The following SP2 variants were observed in gnomAD, a reference collection of about 807,000 sequenced individuals.
The protein encoded by SP2 is transcription factor Sp2.
Under a neutral mutation model 50.1 loss-of-function variants are expected in SP2, and 9 were observed. That is an observed-to-expected ratio of 0.18 (90% CI 0.11 to 0.31). SP2 has a LOEUF of 0.31. Ranked by LOEUF, SP2 falls within the 10% of genes least tolerant of loss-of-function variation. The pLI, the probability that SP2 is intolerant of heterozygous loss-of-function variation, is 1.00. For missense variants in SP2, 581 were observed against 806.5 expected (o/e 0.72, Z 3.39); for synonymous variants, 313 against 326.6 (o/e 0.96, Z 0.45).
intron 1 of SP2, among the ~76,000 whole-genome samples, chr17:47,901,049 G>A (rs1277466229): frequency 2.0e-5 from 3 of 152,184 alleles, no homozygotes; most frequent in Middle Eastern, 3.4e-3. Flanking sequence ...GGGATGTGAC[G>A]CAGTCAGGAT....
At chr17:47,919,343 G>A (rs1215029347) in intron 3 of SP2, among the ~76,000 whole-genome samples, 3 of 152,136 alleles carry the variant, frequency 2.0e-5, no homozygotes, top group Non-Finnish European at 4.4e-5. Context: ...CCATGAGTTC[G>A]AGATTGCAGT....
intron 1 of SP2, chr17:47,909,649 A>T: frequency 1.1e-6 from 1 of 942,508 alleles, no homozygotes; most frequent in Non-Finnish European, 1.3e-6. Context: ...GGATGACATT[A>T]CCTTTGTTTT....
chr17:47,905,285 G>A (rs941370666), intron 1 of SP2, among the ~76,000 whole-genome samples: 4 of 152,190 alleles, frequency 2.6e-5, no homozygotes, highest in Non-Finnish European at 4.4e-5. Flanking sequence ...TAGGCAACTG[G>A]AAAAGCCTGG....
In SP2 at chr17:47,922,185, C is replaced by A. The variant is rs192829544; in HGVS notation, c.1060-777C>A. On this transcript the variant is annotated intron_variant, in intron 3 of 6. Coordinates refer to ENST00000376741, the MANE Select transcript of SP2 (RefSeq NM_003110.6). ...AGTCCTCGGTATGCAGCCAGTCTCC[C>A]ACAGCCATTAGCTCTCCCATAGAGA... Among the ~76,000 whole-genome samples the A allele has an allele frequency of 3.2e-4, 48 of 152,238 alleles. No homozygotes were observed. The South Asian group carries it at 1.0e-2, about 32-fold the overall frequency.
chr17:47,925,998 C>T (rs2035634880), intron 6 of SP2, among the ~76,000 whole-genome samples: 1 of 147,904 alleles, frequency 6.8e-6, no homozygotes, highest in South Asian at 2.1e-4. Flanking sequence ...CTCACTGCAG[C>T]CTCCACCCCT....
At chr17:47,927,004 C>T (rs2035676229) in intron 6 of SP2, among the ~76,000 whole-genome samples, 1 of 152,170 alleles carries the variant, frequency 6.6e-6, no homozygotes, top group African/African-American at 2.4e-5. Flanking sequence ...TTGGGGTCAA[C>T]ATGGTTCCAA....
At chr17:47,906,962 G>A (rs941719084) in intron 1 of SP2, among the ~76,000 whole-genome samples, 12 of 152,158 alleles carry the variant, frequency 7.9e-5, no homozygotes, top group East Asian at 3.9e-4. Flanking sequence ...GGGAACATCA[G>A]TATTTAAGGG....
intron 1 of SP2, among the ~76,000 whole-genome samples, chr17:47,901,297 G>A (rs2034531953): frequency 6.6e-6 from 1 of 151,956 alleles, no homozygotes; most frequent in Non-Finnish European, 1.5e-5. Context: ...ACAGGCACGT[G>A]CCACCACACC....
chr17:47,903,035 C>T lies in SP2; in HGVS notation c.7+6742C>T, dbSNP rs193172303. Among the ~76,000 whole-genome samples the T allele has an allele frequency of 2.7e-4, 41 of 152,224 alleles. 1 individual carries two copies. The highest frequency in any genetic ancestry group is 7.9e-4 in the African/African-American group (33 of 41,546). ...CCGCCCAAAGTGCTGGGATTACAGG[C>T]GTGAGCCACAGCGCCCAGCTGGGGC... On this transcript the variant is annotated intron_variant, in intron 1 of 6. Coordinates refer to ENST00000376741, the MANE Select transcript of SP2 (RefSeq NM_003110.6).
At chr17:47,924,296 C>T (rs1401750393) in intron 4 of SP2, among the ~76,000 whole-genome samples, 1 of 149,332 alleles carries the variant, frequency 6.7e-6, no homozygotes, top group Non-Finnish European at 1.5e-5. Context: ...GCACCATGCC[C>T]GGCCAATTTT....
chr17:47,904,262 CA>C (rs71366804), intron 1 of SP2, among the ~76,000 whole-genome samples: 187 of 99,678 alleles, frequency 1.9e-3, no homozygotes, highest in South Asian at 1.9e-3. Context: ...GACTCTGTCC[CA>C]AAAAAAAAAA....
At chr17:47,931,260 T>G (rs1201659600), downstream of SP2, among the ~76,000 whole-genome samples, 1 of 152,112 alleles carries the variant, frequency 6.6e-6, no homozygotes, top group African/African-American at 2.4e-5. Context: ...GGCAGGAGAA[T>G]TGGTTGAACC....
intron 4 of SP2, among the ~76,000 whole-genome samples, chr17:47,923,990 G>T (rs546718863): frequency 1.3e-5 from 2 of 151,932 alleles, no homozygotes; most frequent in African/African-American, 4.8e-5. Flanking sequence ...GTGAGCCACC[G>T]TGCCCAGCCC....
Position 47,927,837 on chromosome 17 carries a change from CG to C in SP2, c.*16del. ...GAAGAACTTGTAAGGCCAACTGCGG[CG>C]GGAGGCCCTGAAGATGCAGTCCCCC... On this transcript the variant is annotated 3_prime_UTR_variant, in exon 7 of 7. Coordinates refer to ENST00000376741, the MANE Select transcript of SP2 (RefSeq NM_003110.6). 5 of 1,509,330 alleles carry C rather than the reference CG, an allele frequency of 3.3e-6. No homozygotes were observed. The highest frequency in any genetic ancestry group is 4.5e-6 in the Non-Finnish European group (5 of 1,100,916). 93.5% of individuals were successfully genotyped at this position (1,509,330 alleles called of 1,614,324 possible).
intron 1 of SP2, among the ~76,000 whole-genome samples, chr17:47,912,548 G>A (rs1465621523): frequency 7.9e-5 from 12 of 151,084 alleles, no homozygotes; most frequent in Admixed American, 7.3e-4. Context: ...AGGTTCAAGC[G>A]ATCCTCCCAC....
chr17:47,931,301 C>T (rs1346103531), downstream of SP2, among the ~76,000 whole-genome samples: 5 of 152,204 alleles, frequency 3.3e-5, no homozygotes, highest in East Asian at 7.7e-4. Flanking sequence ...GAGCCGAGAT[C>T]GTGCCACTGC....
At chr17:47,922,368 C>T (rs1294435226) in intron 3 of SP2, among the ~76,000 whole-genome samples, 1 of 152,212 alleles carries the variant, frequency 6.6e-6, no homozygotes, top group East Asian at 1.9e-4. Context: ...TAGCCCACAT[C>T]ATACTTCCAC....
intron 6 of SP2, 64 bp from the exon 7 acceptor site, chr17:47,927,660 C>T (rs1489198666): frequency 6.0e-6 from 7 of 1,175,056 alleles, no homozygotes; most frequent in Non-Finnish European, 8.7e-6. Flanking sequence ...CGCACCCCAC[C>T]TTTTTGGGCA....
intron 1 of SP2, among the ~76,000 whole-genome samples, chr17:47,911,773 C>T (rs2034996553): frequency 6.6e-6 from 1 of 151,440 alleles, no homozygotes; most frequent in Non-Finnish European, 1.5e-5. Flanking sequence ...TCACCGCACT[C>T]CAACCTGGGC....
Sources: gnomAD v4.1 joint callset for allele counts (sites outside exome capture counted in the v4.1 genomes callset) on GRCh38, gnomAD v4.1.1 for gene constraint, MANE v1.5 for transcripts, NCBI Gene and HGNC (gene_info 2026-07-23, HGNC 2026-07-21) for gene names.